Variants in MTMR10 observed in about 807,000 individuals in gnomAD.
MTMR10 encodes myotubularin related protein 10.
Under a neutral mutation model 88.1 loss-of-function variants are expected in MTMR10, and 56 were observed. That is an observed-to-expected ratio of 0.64 (90% CI 0.51 to 0.79). The LOEUF is 0.79. Among genes scored for constraint, MTMR10 ranks in the 30% least tolerant of loss-of-function variants. The probability of loss-of-function intolerance (pLI) is 0.00; values close to 1 mark genes in which losing one functional copy is unlikely to be tolerated. For synonymous variants in MTMR10, 380 were observed against 340.9 expected, an observed-to-expected ratio of 1.11 and a Z score of -1.26; for missense variants, 883 against 924.7, an observed-to-expected ratio of 0.95 and a Z score of 0.58.
At chr15:30,977,255 A>T (rs1481950259) in intron 2 of MTMR10, among the ~76,000 whole-genome samples, 1 of 152,020 alleles carries the variant, frequency 6.6e-6, no homozygotes, top group East Asian at 1.9e-4. Flanking sequence ...TATCTGCTGG[A>T]AGACTTTCTG....
chr15:30,936,184 G>A (rs1451773618), downstream of MTMR10, among the ~76,000 whole-genome samples: 1 of 152,126 alleles, frequency 6.6e-6, no homozygotes, highest in Non-Finnish European at 1.5e-5. Flanking sequence ...CCTTCATGAA[G>A]ATGACATGTA....
intron 2 of MTMR10, among the ~76,000 whole-genome samples, chr15:30,982,447 A>G (rs1221562639): frequency 1.3e-5 from 2 of 152,158 alleles, no homozygotes; most frequent in East Asian, 3.8e-4. Flanking sequence ...TAAAACTACT[A>G]AAGAAGAAAA....
At chr15:30,982,982 G>T (rs917320594) in intron 2 of MTMR10, among the ~76,000 whole-genome samples, 1 of 152,192 alleles carries the variant, frequency 6.6e-6, no homozygotes, top group Non-Finnish European at 1.5e-5. Context: ...GACTGCTCTT[G>T]TTCACATGTT....
the MTMR10 span, chr15:30,930,569 TG>T: frequency 6.2e-7 from 1 of 1,604,772 alleles, no homozygotes; most frequent in African/African-American, 1.3e-5. Context: ...TGGGGGGCCC[TG>T]TGCTCAGTGG....
chr15:30,960,862 T>C lies in MTMR10; in HGVS notation c.758+19A>G. ...AAGTGACTTCCAGCCATATATAACA[T>C]TGCTAAAATTGTACTTACCAAGTGG... On this transcript the variant is annotated intron_variant, in intron 7 of 15. Transcript: ENST00000435680. 1 of 1,564,104 alleles carries C rather than the reference T, an allele frequency of 6.4e-7. No individual in the cohort carries two copies. Among genetic ancestry groups the C allele is most frequent in the Non-Finnish European group, 8.7e-7 (1 of 1,146,676 alleles).
In MTMR10 at chr15:30,940,811, A is replaced by AAAGT. The variant is rs2063020170; in HGVS notation, c.*655_*658dup. The AAAGT allele has an allele frequency of 1.0e-6, 1 of 987,340 alleles. No homozygotes were observed. The highest frequency in any genetic ancestry group is 1.2e-6 in the Non-Finnish European group (1 of 830,980). 61.2% of individuals were successfully genotyped at this position (987,340 alleles called of 1,614,324 possible). On this transcript the variant is annotated 3_prime_UTR_variant, in exon 16 of 16. Coordinates refer to ENST00000435680, the MANE Select transcript of MTMR10 (RefSeq NM_017762.3). ...TTTTCTTCTGTAATATTTGTATCCT[A>AAAGT]AAGTCAAAGGCACTTCTAAGTTTAA... is the stretch of plus-strand genomic sequence containing the variant.
intron 9 of MTMR10, among the ~76,000 whole-genome samples, chr15:30,958,030 C>CG (rs769207553): frequency 7.2e-5 from 11 of 152,166 alleles, no homozygotes; most frequent in Non-Finnish European, 1.2e-4. Flanking sequence ...GATGACCCCC[C>CG]GGTTTCTGAG....
chr15:30,937,161 C>CA, downstream of MTMR10: 1 of 1,613,958 alleles, frequency 6.2e-7, no homozygotes, highest in Non-Finnish European at 8.5e-7. Flanking sequence ...TTCACATAAG[C>CA]AGATGATCTG....
At chr15:30,947,720 T>C (rs1051864825) in intron 13 of MTMR10, among the ~76,000 whole-genome samples, 1 of 152,144 alleles carries the variant, frequency 6.6e-6, no homozygotes, top group Non-Finnish European at 1.5e-5. Context: ...AGAAAACACT[T>C]TGGGATGAGC....
chr15:30,936,300 A>G (rs117044771), downstream of MTMR10, among the ~76,000 whole-genome samples: 517 of 152,274 alleles, frequency 3.4e-3, no homozygotes, highest in Non-Finnish European at 5.9e-3. Flanking sequence ...GAAAGGTAAG[A>G]AGTCAGGCAT....
chr15:30,948,461 T>C lies in MTMR10; in HGVS notation c.1218A>G (p.Gly406=), dbSNP rs1413976439. Residue 406 remains glycine (G), a synonymous_variant, in exon 13 of 16, where the codon GGA becomes GGG. Coordinates refer to ENST00000435680, the MANE Select transcript of MTMR10 (RefSeq NM_017762.3). ...HLSVVLQEEE[G]RDLSCCVASL... ...AAGCTACACAACAGCTCAAGTCTCT[T>C]CCTTCCTCCTCTGTTAATAAAATGG... 11 of 1,605,126 alleles carry C rather than the reference T, an allele frequency of 6.9e-6. No homozygotes were observed. Among genetic ancestry groups the C allele is most frequent in the Admixed American group, 1.7e-5 (1 of 58,276 alleles).
At chr15:30,937,482 C>T (rs563739369), downstream of MTMR10, among the ~76,000 whole-genome samples, 14 of 137,452 alleles carry the variant, frequency 1.0e-4, no homozygotes, top group South Asian at 2.4e-4. Context: ...GACAGAGTCT[C>T]GCTCTGTCAC....
chr15:30,928,695 C>T, the MTMR10 span: 1 of 1,612,642 alleles, frequency 6.2e-7, no homozygotes, highest in South Asian at 1.1e-5. Flanking sequence ...GGTCCTTCTG[C>T]ACACATCCGT....
chr15:30,933,765 GTTT>G, the MTMR10 span, among the ~76,000 whole-genome samples: 32,473 of 144,234 alleles, frequency 0.23, 4,156 homozygotes, highest in African/African-American at 0.39. Flanking sequence ...TTTTTTTTTT[GTTT>G]TTGTTTTTTG....
chr15:30,929,604 A>G, the MTMR10 span, among the ~76,000 whole-genome samples: 2 of 124,914 alleles, frequency 1.6e-5, no homozygotes, highest in Non-Finnish European at 3.1e-5. Flanking sequence ...TATATTACAT[A>G]TTACATATAT....
At chr15:30,934,374 CCT>C (rs1307059779), downstream of MTMR10, among the ~76,000 whole-genome samples, 1 of 152,066 alleles carries the variant, frequency 6.6e-6, no homozygotes, top group Admixed American at 6.5e-5. Context: ...TCCAACTTAA[CCT>C]CTGTCTTTTA....
At position 30,939,936 on chromosome 15, in the gene MTMR10, T is replaced by A; in HGVS notation, c.*1534A>T. 1 of 985,170 alleles carries A rather than the reference T, an allele frequency of 1.0e-6. No individual in the cohort carries two copies. The highest frequency in any genetic ancestry group is 1.2e-6 in the Non-Finnish European group (1 of 829,660). The allele number at this position is 985,170 out of a possible 1,614,324, so 61.0% of individuals were successfully genotyped here. A position where few individuals can be genotyped will look rare whatever the true frequency, so the allele number is the denominator to read the frequency against. On this transcript the variant is annotated 3_prime_UTR_variant, in exon 16 of 16. Coordinates refer to ENST00000435680, the MANE Select transcript of MTMR10 (RefSeq NM_017762.3). ...CCCATAAAGTGAATTTCTTAAGATA[T>A]TTTTTAAGAACTCCTGTCCTGTTAT...
downstream of MTMR10, among the ~76,000 whole-genome samples, chr15:30,938,534 TAC>T (rs1218513626): frequency 6.6e-6 from 1 of 152,114 alleles, no homozygotes; most frequent in Non-Finnish European, 1.5e-5. Flanking sequence ...CTGTTGACAG[TAC>T]AGTCAAATCG....
In MTMR10 at chr15:30,941,988, T is replaced by TTCTCCTTGGAAG. The variant is rs536984969; in HGVS notation, c.1804_1815dup (p.Leu602_Arg605dup). On this transcript the variant is annotated inframe_insertion, in exon 16 of 16. Transcript: ENST00000435680. ...GGCTTTGGTTTTAATATCAATGAAT[T>TTCTCCTTGGAAG]TCTCCTTGGAAGTAATTCTTGGTCA... is the stretch of plus-strand genomic sequence containing the variant. 1.5e-4 allele frequency: 243 copies of TTCTCCTTGGAAG among 1,614,036 alleles called. 1 individual carries two copies. In the East Asian group the frequency reaches 5.1e-3, roughly 34 times the overall value.
Sources: gnomAD v4.1 joint callset for allele counts (sites outside exome capture counted in the v4.1 genomes callset) on GRCh38, gnomAD v4.1.1 for gene constraint, MANE v1.5 for transcripts, NCBI Gene and HGNC (gene_info 2026-07-23, HGNC 2026-07-21) for gene names.